Variants in LATS1 observed in about 807,000 individuals in gnomAD.
LATS1 encodes large tumor suppressor kinase 1, also known as serine/threonine-protein kinase LATS1.
A neutral mutation model predicts 106.6 loss-of-function variants in LATS1; 25 were observed. The observed-to-expected ratio is 0.23, with a 90% confidence interval of 0.17 to 0.33. The LOEUF is 0.33. Among genes scored for constraint, LATS1 ranks in the 10% least tolerant of loss-of-function variants. The pLI, the probability that LATS1 is intolerant of heterozygous loss-of-function variation, is 1.00. For missense variants in LATS1, 1,040 were observed against 1,382.6 expected, an observed-to-expected ratio of 0.75 and a Z score of 3.93; for synonymous variants, 465 against 455.6, an observed-to-expected ratio of 1.02 and a Z score of -0.26.
At position 149,661,223 on chromosome 6, in the gene LATS1, C is replaced by T. The variant is rs1039357443; in HGVS notation, c.*506G>A. 5.6e-5 allele frequency: 13 copies of T among 230,448 alleles called. No homozygotes were observed. The highest frequency in any genetic ancestry group is 2.7e-4 in the African/African-American group (12 of 45,218). The allele number at this position is 230,448 out of a possible 1,614,324, so 14.3% of individuals were successfully genotyped here. A position where few individuals can be genotyped will look rare whatever the true frequency, so the allele number is the denominator to read the frequency against. ...GTGAATTATACAGATTATCATTAGC[C>T]TAGGAACACTCACCAACACGATGGC... On this transcript the variant is annotated 3_prime_UTR_variant, in exon 8 of 8. Coordinates refer to ENST00000543571, the MANE Select transcript of LATS1 (RefSeq NM_004690.4).
chr6:149,663,961 C>G (rs532419391), intron 7 of LATS1, among the ~76,000 whole-genome samples: 2 of 151,890 alleles, frequency 1.3e-5, no homozygotes, highest in African/African-American at 2.4e-5. Flanking sequence ...GTGCCCGCCA[C>G]CTCGCACAGC....
At chr6:149,688,469 T>C (rs1782532500) in intron 3 of LATS1, among the ~76,000 whole-genome samples, 1 of 151,730 alleles carries the variant, frequency 6.6e-6, no homozygotes, top group South Asian at 2.1e-4. Flanking sequence ...CCACCACGCC[T>C]GGCTAATTTT....
Position 149,661,127 on chromosome 6 carries a change from T to A in LATS1, c.*602A>T, listed in dbSNP as rs926188815. The A allele has an allele frequency of 5.6e-6, 1 of 178,230 alleles. No individual in the cohort carries two copies. The highest frequency in any genetic ancestry group is 1.2e-5 in the Non-Finnish European group (1 of 85,688). The allele number at this position is 178,230 out of a possible 1,614,324, so 11.0% of individuals were successfully genotyped here. ...ATGGGGCGGGGGGTGGGGGGGAAGA[T>A]AAATGCATTATTTTTCCTTCTGACA... is the stretch of plus-strand genomic sequence containing the variant. On this transcript the variant is annotated 3_prime_UTR_variant, in exon 8 of 8. Transcript: ENST00000543571.
At position 149,658,827 on chromosome 6, in the gene LATS1, T is replaced by G. The variant is rs757581727; in HGVS notation, c.*2902A>C. Reference sequence around the variant, plus strand: ...TCACTGGACAATGCATAACAGTATCTACAATTACATAATTATAGAACACAT... The same window carrying G: ...TCACTGGACAATGCATAACAGTATCGACAATTACATAATTATAGAACACAT... On this transcript the variant is annotated 3_prime_UTR_variant, in exon 8 of 8. Transcript: ENST00000543571. 1 of 152,216 alleles carries G rather than the reference T, an allele frequency of 6.6e-6. No individual in the cohort carries two copies. Among genetic ancestry groups the G allele is most frequent in the South Asian group, 2.1e-4 (1 of 4,834 alleles). 9.4% of individuals were successfully genotyped at this position (152,216 alleles called of 1,614,324 possible).
chr6:149,694,999 G>T (rs1009083784), intron 3 of LATS1, 75 bp downstream of exon 3: 16 of 1,217,402 alleles, frequency 1.3e-5, no homozygotes, highest in Non-Finnish European at 1.8e-5. Flanking sequence ...TAAGAAGGAA[G>T]ATTTGATAGA....
intron 1 of LATS1, among the ~76,000 whole-genome samples, chr6:149,702,517 C>G (rs7450246): frequency 6.6e-6 from 1 of 151,320 alleles, no homozygotes; most frequent in Admixed American, 6.6e-5. Flanking sequence ...GTAAGCATAC[C>G]AAGCATTTAT....
At chr6:149,667,986 T>A (rs575855030) in intron 7 of LATS1, among the ~76,000 whole-genome samples, 1 of 152,192 alleles carries the variant, frequency 6.6e-6, no homozygotes, top group Admixed American at 6.5e-5. Context: ...AGTGGTGTCA[T>A]CTTGTCTCCC....
Position 149,683,145 on chromosome 6 carries a change from T to C in LATS1, c.1944A>G (p.Glu648=). 6.2e-7 allele frequency: 1 copy of C among 1,613,490 alleles called. No individual in the cohort carries two copies. The highest frequency in any genetic ancestry group is 2.2e-5 in the East Asian group (1 of 44,870). The change falls in exon 4 of 8, where the codon GAA becomes GAG. Residue 648 remains glutamate (E), a synonymous_variant. Coordinates refer to ENST00000543571, the MANE Select transcript of LATS1 (RefSeq NM_004690.4). ...GCTGCTGATGAGATTTGAGTACATT[T>C]TCTACATGTTGCTCCATAAAGAATT... ...AFKFFMEQHV[E]NVLKSHQQRL... is the part of the protein sequence containing the mutation.
At chr6:149,681,900 G>A (rs760449728) in intron 4 of LATS1, among the ~76,000 whole-genome samples, 4 of 152,206 alleles carry the variant, frequency 2.6e-5, no homozygotes, top group Admixed American at 6.5e-5. Context: ...GGGTCATGGC[G>A]TCAAGAGATC....
rs1438434134 is a variant in LATS1, at chr6:149,707,448, A to G, written c.-140-5182T>C. 3.3e-5 allele frequency among the ~76,000 whole-genome samples: 5 copies of G among 152,304 alleles called. No individual in the cohort carries two copies. In the South Asian group the frequency reaches 1.0e-3, roughly 32 times the overall value. On this transcript the variant is annotated intron_variant, in intron 1 of 7. Coordinates refer to ENST00000543571, the MANE Select transcript of LATS1 (RefSeq NM_004690.4). ...TTGAGGCAAGGAATTCAAGACAAGA[A>G]GAGAATGTATTGTTGCCCAAATTTA...
At chr6:149,678,289 A>G (rs1582864772) in intron 5 of LATS1, among the ~76,000 whole-genome samples, 1 of 148,296 alleles carries the variant, frequency 6.7e-6, no homozygotes, top group Admixed American at 6.8e-5. Context: ...GCTAGCAGTG[A>G]GCCGAGATTG....
At chr6:149,676,883 G>A (rs1781754253) in intron 5 of LATS1, 146 bp from the exon 6 acceptor site, 1 of 678,834 alleles carries the variant, frequency 1.5e-6, no homozygotes, top group Non-Finnish European at 2.4e-6. Context: ...ATCACTGATG[G>A]TGTTTATTAC....
At chr6:149,699,601 AGCTATCATTT>A (rs1055213294) in intron 2 of LATS1, among the ~76,000 whole-genome samples, 3 of 152,352 alleles carry the variant, frequency 2.0e-5, no homozygotes, top group African/African-American at 7.2e-5. Flanking sequence ...ATTACAATAA[AGCTATCATTT>A]GTGTAGTAGC....
intron 3 of LATS1, among the ~76,000 whole-genome samples, chr6:149,692,167 T>C (rs929839439): frequency 2.0e-5 from 3 of 152,164 alleles, no homozygotes; most frequent in Non-Finnish European, 4.4e-5. Flanking sequence ...CTTCTATACC[T>C]TTCTGCTGCT....
At chr6:149,676,448 T>C (rs1446730298) in intron 6 of LATS1, 82 bp from the exon 7 acceptor site, 5 of 1,370,718 alleles carry the variant, frequency 3.6e-6, no homozygotes, top group Non-Finnish European at 5.0e-6. Flanking sequence ...CAATTTATAC[T>C]TTAAAATTAA....
Position 149,712,484 on chromosome 6 carries a change from A to G in LATS1, c.-141+5365T>C, listed in dbSNP as rs529271974. 2.7e-4 allele frequency among the ~76,000 whole-genome samples: 41 copies of G among 152,270 alleles called. No homozygotes were observed. The East Asian group carries it at 7.4e-3, about 27-fold the overall frequency. On this transcript the variant is annotated intron_variant, in intron 1 of 7. Transcript: ENST00000543571. ...AGTGCTGGGATTACAGGTGTGAGCCACTGCGCCCAGCCATATTTTATCTTC... is the reference window on the plus strand; with the variant it reads ...AGTGCTGGGATTACAGGTGTGAGCCGCTGCGCCCAGCCATATTTTATCTTC...
rs752896748 is a variant in LATS1, at chr6:149,680,333, C to G, written c.2135G>C (p.Gly712Ala). The G allele has an allele frequency of 2.5e-6, 4 of 1,613,846 alleles. No homozygotes were observed. The highest frequency in any genetic ancestry group is 3.4e-6 in the Non-Finnish European group (4 of 1,179,958). ...KSMFVKIKTL[G>A]IGAFGEVCLA... ...ACAGACTTCACCAAATGCTCCTATT[C>G]CTAGTGTCTTTATCTTCACAAACAT... is the stretch of plus-strand genomic sequence containing the variant. Residue 712 changes from glycine (G) to alanine (A), a missense_variant, in exon 5 of 8, where the codon GGA becomes GCA. Around this residue, in one of 7 missense-constraint regions of LATS1, gnomAD observed 167 missense variants for 332.1 expected, o/e 0.50. Coordinates refer to ENST00000543571, the MANE Select transcript of LATS1 (RefSeq NM_004690.4).
rs1168106658 is a variant in LATS1 at position 149,661,373 on chromosome 6, A to C, written c.*356T>G. On this transcript the variant is annotated 3_prime_UTR_variant, in exon 8 of 8. Coordinates refer to ENST00000543571, the MANE Select transcript of LATS1 (RefSeq NM_004690.4). ...TAAAACTAAAACTGTCTTTCAAAAA[A>C]ATTTCAAAAACTCTTGTATTTTAAA... 4.1e-6 allele frequency: 1 copy of C among 242,758 alleles called. No homozygotes were observed. The highest frequency in any genetic ancestry group is 8.0e-6 in the Non-Finnish European group (1 of 125,368). 15.0% of individuals were successfully genotyped at this position (242,758 alleles called of 1,614,324 possible).
At chr6:149,690,205 CTTTT>C (rs1247306023) in intron 3 of LATS1, among the ~76,000 whole-genome samples, 5 of 138,442 alleles carry the variant, frequency 3.6e-5, no homozygotes, top group Admixed American at 1.6e-4. Flanking sequence ...GTATTCTTTT[CTTTT>C]TTTCTTTTTT....
Sources: allele counts gnomAD v4.1 joint callset (sites outside exome capture counted in the v4.1 genomes callset), GRCh38; gene constraint gnomAD v4.1.1; regional missense constraint gnomAD v4.1.1; transcripts MANE v1.5; gene names NCBI Gene and HGNC (gene_info 2026-07-23, HGNC 2026-07-21).